The following PTPRR variants were observed in gnomAD, a reference collection of about 807,000 sequenced individuals.
PTPRR encodes the protein receptor-type tyrosine-protein phosphatase R.
PTPRR carries 38 observed loss-of-function variants against 77.2 expected under a neutral mutation model. That is an observed-to-expected ratio of 0.49 (90% confidence interval 0.38 to 0.65). PTPRR has a LOEUF of 0.65. Ranked by LOEUF, PTPRR falls within the 30% of genes least tolerant of loss-of-function variation. PTPRR has a pLI of 0.00. For synonymous variants in PTPRR, 299 were observed against 283.1 expected (o/e 1.06, Z -0.57); for missense variants, 744 against 799.2 (o/e 0.93, Z 0.83).
At chr12:70,886,509 G>GGATC (rs1319180784) in intron 2 of PTPRR, among the ~76,000 whole-genome samples, 1 of 152,054 alleles carries the variant, frequency 6.6e-6, no homozygotes. Flanking sequence ...TGGCTATTAT[G>GGATC]GATCCTTTAA....
At chr12:70,746,161 C>G (rs1255084716) in intron 5 of PTPRR, 75 bp from the exon 6 acceptor site, 5 of 1,390,576 alleles carry the variant, frequency 3.6e-6, no homozygotes, top group South Asian at 1.4e-5. Flanking sequence ...TCCACCCCAC[C>G]CTGGCCGACA....
intron 2 of PTPRR, among the ~76,000 whole-genome samples, chr12:70,830,541 A>G (rs74102019): frequency 0.015 from 2,351 of 152,352 alleles, 66 homozygotes; most frequent in African/African-American, 0.054. Flanking sequence ...TGTCATCAGT[A>G]TTCTTCTAGG....
At chr12:70,860,842 A>T (rs1892740554) in intron 2 of PTPRR, among the ~76,000 whole-genome samples, 1 of 152,188 alleles carries the variant, frequency 6.6e-6, no homozygotes, top group Non-Finnish European at 1.5e-5. Flanking sequence ...TGTGCTAGGC[A>T]GTATGAACAA....
At chr12:70,815,317 C>G (rs1183725531) in intron 2 of PTPRR, among the ~76,000 whole-genome samples, 5 of 152,002 alleles carry the variant, frequency 3.3e-5, no homozygotes, top group African/African-American at 1.2e-4. Context: ...AGAATATGAA[C>G]AAAGCCTCAG....
At chr12:70,728,518 C>A (rs1889535713) in intron 6 of PTPRR, among the ~76,000 whole-genome samples, 5 of 83,594 alleles carry the variant, frequency 6.0e-5, no homozygotes, top group Admixed American at 1.4e-4. Flanking sequence ...GGCAAATATT[C>A]CAAAATCTGA....
intron 2 of PTPRR, among the ~76,000 whole-genome samples, chr12:70,814,347 C>G (rs954020025): frequency 4.6e-5 from 7 of 152,192 alleles, no homozygotes; most frequent in Admixed American, 3.3e-4. Context: ...GAAGGGTGGT[C>G]ACCTTGGGCG....
intron 6 of PTPRR, among the ~76,000 whole-genome samples, chr12:70,733,470 C>CAAAAAAAAAA (rs1193950231): frequency 9.4e-5 from 7 of 74,078 alleles, no homozygotes; most frequent in African/African-American, 2.6e-4. Flanking sequence ...AAAATTATGG[C>CAAAAAAAAAA]AAAAAAAAAA....
At chr12:70,660,829 T>G (rs963834933) in intron 12 of PTPRR, 111 bp downstream of exon 12, 4 of 1,091,522 alleles carry the variant, frequency 3.7e-6, no homozygotes, top group Admixed American at 3.2e-5. Context: ...TCAATAAATA[T>G]TTAATTTGCC....
At chr12:70,810,083 GACGTC>G (rs530489765) in intron 2 of PTPRR, among the ~76,000 whole-genome samples, 86 of 152,272 alleles carry the variant, frequency 5.6e-4, no homozygotes, top group African/African-American at 2.0e-3. Flanking sequence ...CTTTTCTAGT[GACGTC>G]ATCATGTTTC....
chr12:70,659,605 G>A (rs1244461561), intron 12 of PTPRR, among the ~76,000 whole-genome samples: 1 of 152,056 alleles, frequency 6.6e-6, no homozygotes, highest in Non-Finnish European at 1.5e-5. Context: ...CTTTGGGTGG[G>A]GGACAGTTCC....
At chr12:70,882,625 T>TC (rs1893168843) in intron 2 of PTPRR, among the ~76,000 whole-genome samples, 2 of 152,072 alleles carry the variant, frequency 1.3e-5, no homozygotes, top group Admixed American at 6.5e-5. Context: ...CATTTTTTTT[T>TC]TAATTTGCCA....
At position 70,827,709 on chromosome 12, in the gene PTPRR, C is replaced by CTTTTTTT. The variant is rs869285373; in HGVS notation, c.358-62938_358-62932dup. 1.7e-4 allele frequency among the ~76,000 whole-genome samples: 11 copies of CTTTTTTT among 63,870 alleles called. 1 individual carries two copies. Among genetic ancestry groups the CTTTTTTT allele is most frequent in the African/African-American group, 1.0e-3 (11 of 10,586 alleles). 41.9% of individuals were successfully genotyped at this position (63,870 alleles called of 152,430 possible). On this transcript the variant is annotated intron_variant, in intron 2 of 13. Transcript: ENST00000283228. The stretch of plus-strand genomic sequence containing the variant: ...TATAGGTGCCTGCCACCACACCTGG[C>CTTTTTTT]TTTTTTTTTTTTTTTTTTTTTTTTT...
At chr12:70,676,167 T>C (rs1887439130) in intron 10 of PTPRR, among the ~76,000 whole-genome samples, 1 of 151,974 alleles carries the variant, frequency 6.6e-6, no homozygotes, top group Non-Finnish European at 1.5e-5. Flanking sequence ...CTATGTCTCT[T>C]AGACACTCTT....
intron 6 of PTPRR, among the ~76,000 whole-genome samples, chr12:70,737,579 G>T (rs892672568): frequency 2.6e-5 from 4 of 151,880 alleles, no homozygotes; most frequent in African/African-American, 7.3e-5. Context: ...GGAGTACAGT[G>T]GTGTGACACA....
chr12:70,746,110 T>C (rs1428204020), intron 5 of PTPRR, 24 bp from the exon 6 acceptor site: 1 of 1,590,106 alleles, frequency 6.3e-7, no homozygotes, highest in Admixed American at 1.7e-5. Flanking sequence ...TATAAAAAAC[T>C]CCTGTCACAT....
intron 2 of PTPRR, among the ~76,000 whole-genome samples, chr12:70,869,383 G>A (rs984550421): frequency 6.6e-6 from 1 of 152,010 alleles, no homozygotes; most frequent in Non-Finnish European, 1.5e-5. Flanking sequence ...TCACACGAGG[G>A]GAACTCCAGA....
At chr12:70,903,702 A>G (rs1275012562) in intron 1 of PTPRR, among the ~76,000 whole-genome samples, 32 of 151,894 alleles carry the variant, frequency 2.1e-4, no homozygotes, top group Admixed American at 2.1e-3. Flanking sequence ...TGACATCAAA[A>G]TCACAATCCA....
intron 1 of PTPRR, among the ~76,000 whole-genome samples, chr12:70,902,277 G>C (rs1431350428): frequency 1.3e-5 from 2 of 151,796 alleles, no homozygotes; most frequent in African/African-American, 4.8e-5. Context: ...AGAACTAAAA[G>C]TAGAACTACT....
chr12:70,687,746 C>T (rs1887922267), intron 8 of PTPRR, among the ~76,000 whole-genome samples: 1 of 152,174 alleles, frequency 6.6e-6, no homozygotes, highest in South Asian at 2.1e-4. Context: ...TATAACCTAA[C>T]TGTGAACAAG....
Sources: gnomAD v4.1 joint callset for allele counts (sites outside exome capture counted in the v4.1 genomes callset) on GRCh38, gnomAD v4.1.1 for gene constraint, MANE v1.5 for transcripts, NCBI Gene and HGNC (gene_info 2026-07-23, HGNC 2026-07-21) for gene names.